ARHGEF26: variants seen among roughly 807,000 people sequenced by gnomAD.
ARHGEF26 encodes the protein Rho guanine nucleotide exchange factor (GEF) 26.
A neutral mutation model predicts 89.4 loss-of-function variants in ARHGEF26; 59 were observed. The ratio of observed to expected loss-of-function variants is 0.66; its 90% CI spans 0.54 to 0.82. ARHGEF26 has a LOEUF of 0.82. ARHGEF26 is among the 40% of genes least tolerant of loss of function. The pLI is 0.00. For missense variants in ARHGEF26, 1,234 were observed against 1,085.6 expected, an observed-to-expected ratio of 1.14 and a Z score of -1.92; for synonymous variants, 500 against 428.4, an observed-to-expected ratio of 1.17 and a Z score of -2.06.
intron 11 of ARHGEF26, among the ~76,000 whole-genome samples, chr3:154,235,814 T>C (rs562913373): frequency 3.1e-4 from 47 of 152,328 alleles, no homozygotes; most frequent in African/African-American, 1.1e-3. Context: ...CCTCAGCCCT[T>C]CTTCCTCCTC....
At chr3:154,209,470 G>A (rs1715230972) in intron 9 of ARHGEF26, among the ~76,000 whole-genome samples, 3 of 152,148 alleles carry the variant, frequency 2.0e-5, no homozygotes, top group Non-Finnish European at 4.4e-5. Context: ...TGCTTTAGGG[G>A]CACCCAAAGC....
chr3:154,172,554 C>T (rs540473346), intron 6 of ARHGEF26, among the ~76,000 whole-genome samples: 2 of 152,184 alleles, frequency 1.3e-5, no homozygotes, highest in South Asian at 4.1e-4. Context: ...GTTAGCTGGG[C>T]GTGGTGGTGT....
chr3:154,191,483 A>G, intron 8 of ARHGEF26, 65 bp downstream of exon 8: 21 of 1,531,504 alleles, frequency 1.4e-5, no homozygotes, highest in Non-Finnish European at 1.8e-5. Context: ...GATTTAGAAA[A>G]TTATTATTAT....
intron 6 of ARHGEF26, among the ~76,000 whole-genome samples, chr3:154,162,588 T>C (rs1335230894): frequency 6.6e-6 from 1 of 152,128 alleles, no homozygotes; most frequent in Non-Finnish European, 1.5e-5. Flanking sequence ...GTTTGCATGT[T>C]CTCCCGGTGT....
At chr3:154,175,757 ATGTTT>A (rs974533012) in intron 6 of ARHGEF26, among the ~76,000 whole-genome samples, 9 of 152,152 alleles carry the variant, frequency 5.9e-5, no homozygotes, top group South Asian at 4.1e-4. Flanking sequence ...TTGGCACTGT[ATGTTT>A]TGTTTTGTTT....
intron 6 of ARHGEF26, among the ~76,000 whole-genome samples, chr3:154,155,652 T>C (rs754116623): frequency 3.9e-5 from 6 of 152,064 alleles, no homozygotes; most frequent in African/African-American, 7.2e-5. Flanking sequence ...GGAATACTTA[T>C]AATTCATACC....
chr3:154,193,928 A>G (rs931176265), intron 8 of ARHGEF26, among the ~76,000 whole-genome samples: 3 of 151,384 alleles, frequency 2.0e-5, no homozygotes, highest in Non-Finnish European at 4.4e-5. Flanking sequence ...TCCACCTCCC[A>G]GGCTCAAGTG....
chr3:154,188,133 G>T (rs189060327), intron 7 of ARHGEF26, among the ~76,000 whole-genome samples: 2 of 152,054 alleles, frequency 1.3e-5, no homozygotes, highest in Admixed American at 1.3e-4. Flanking sequence ...CTCTAAACCC[G>T]CAGTTTTCTA....
intron 12 of ARHGEF26, among the ~76,000 whole-genome samples, chr3:154,244,228 T>C (rs767682775): frequency 4.6e-5 from 7 of 152,168 alleles, no homozygotes; most frequent in Admixed American, 2.6e-4. Context: ...CTGTTGTCAC[T>C]AAAGGCCACC....
At chr3:154,143,423 T>A (rs1719506727) in intron 4 of ARHGEF26, among the ~76,000 whole-genome samples, 1 of 152,182 alleles carries the variant, frequency 6.6e-6, no homozygotes, top group South Asian at 2.1e-4. Context: ...TGTCATTAAA[T>A]ATTCTTCTAC....
chr3:154,148,066 G>C (rs1181596101), intron 4 of ARHGEF26, among the ~76,000 whole-genome samples: 1 of 152,146 alleles, frequency 6.6e-6, no homozygotes, highest in Non-Finnish European at 1.5e-5. Flanking sequence ...GGATGCCTCA[G>C]GTGGACAAAA....
chr3:154,241,267 A>G (rs903745445), intron 12 of ARHGEF26, among the ~76,000 whole-genome samples: 1 of 152,150 alleles, frequency 6.6e-6, no homozygotes, highest in African/African-American at 2.4e-5. Flanking sequence ...TCCTCTTGCA[A>G]TAATCATCAT....
chr3:154,198,916 T>A (rs754151942), intron 9 of ARHGEF26, among the ~76,000 whole-genome samples: 1 of 152,128 alleles, frequency 6.6e-6, no homozygotes, highest in Non-Finnish European at 1.5e-5. Flanking sequence ...AGTATTTTTA[T>A]TATTTTATTA....
At chr3:154,149,939 AC>A (rs1199179969) in intron 5 of ARHGEF26, among the ~76,000 whole-genome samples, 16 of 151,510 alleles carry the variant, frequency 1.1e-4, no homozygotes, top group East Asian at 1.9e-4. Context: ...AAAAAAAAAA[AC>A]AGGTTAATAA....
intron 6 of ARHGEF26, among the ~76,000 whole-genome samples, chr3:154,170,690 ATCAG>A (rs1269341262): frequency 1.3e-5 from 2 of 152,220 alleles, no homozygotes; most frequent in African/African-American, 4.8e-5. Flanking sequence ...AGTTAAACGA[ATCAG>A]TCAGTCAGTC....
intron 11 of ARHGEF26, among the ~76,000 whole-genome samples, chr3:154,228,516 C>T (rs1716634113): frequency 6.6e-6 from 1 of 151,078 alleles, no homozygotes; most frequent in African/African-American, 2.4e-5. Context: ...AGAGGACAAC[C>T]TGAGTACCTA....
At chr3:154,178,360 A>G (rs1015419890) in intron 6 of ARHGEF26, among the ~76,000 whole-genome samples, 1 of 152,166 alleles carries the variant, frequency 6.6e-6, no homozygotes, top group Admixed American at 6.5e-5. Context: ...CATCACCTCA[A>G]AAAGAAATGC....
At chr3:154,138,302 A>G (rs1719145138) in intron 4 of ARHGEF26, among the ~76,000 whole-genome samples, 1 of 152,062 alleles carries the variant, frequency 6.6e-6, no homozygotes, top group Non-Finnish European at 1.5e-5. Context: ...TCTTGACTTT[A>G]TTTCCAAATA....
chr3:154,227,489 G>T (rs1716565792), intron 11 of ARHGEF26, among the ~76,000 whole-genome samples: 1 of 151,932 alleles, frequency 6.6e-6, no homozygotes, highest in African/African-American at 2.4e-5. Flanking sequence ...CACCATGTCA[G>T]CTAGGATGGT....
Sources: gnomAD v4.1 joint callset for allele counts (sites outside exome capture counted in the v4.1 genomes callset) on GRCh38, gnomAD v4.1.1 for gene constraint, MANE v1.5 for transcripts, NCBI Gene and HGNC (gene_info 2026-07-23, HGNC 2026-07-21) for gene names.